Variants in AKR1D1 observed in about 807,000 individuals in gnomAD.
AKR1D1 encodes aldo-keto reductase family 1 member D1.
Under a neutral mutation model 42.6 loss-of-function variants are expected in AKR1D1, and 32 were observed. The ratio of observed to expected loss-of-function variants is 0.75; its 90% confidence interval spans 0.57 to 1.01. The LOEUF (loss-of-function observed/expected upper bound fraction) is 1.01, where lower values mean the gene tolerates loss of function less well. AKR1D1 is among the 50% of genes least tolerant of loss of function. The pLI, the probability that AKR1D1 is intolerant of heterozygous loss-of-function variation, is 0.00. For synonymous variants in AKR1D1, 123 were observed against 135.5 expected (o/e 0.91, Z 0.64); for missense variants, 364 against 402.2 (o/e 0.91, Z 0.81).
At chr7:138,102,202 T>C (rs1794332688) in intron 4 of AKR1D1, among the ~76,000 whole-genome samples, 1 of 151,880 alleles carries the variant, frequency 6.6e-6, no homozygotes, top group African/African-American at 2.4e-5. Flanking sequence ...CAGAGTGAGA[T>C]TCTGTCTCAA....
chr7:138,108,506 T>A (rs1471951277), intron 7 of AKR1D1, among the ~76,000 whole-genome samples: 1 of 152,200 alleles, frequency 6.6e-6, no homozygotes, highest in Non-Finnish European at 1.5e-5. Flanking sequence ...TTAATTTGTA[T>A]GAGATATGGA....
chr7:138,097,871 A>G lies in AKR1D1; in HGVS notation c.384A>G (p.Gly128=). Residue 128 remains glycine, a synonymous_variant, in exon 4 of 9, where the codon GGA becomes GGG. Transcript: ENST00000242375. ...TCTTTTTTTTTTTTTTTCAGCCAGGAGATGAAATATACCCTAGAGATGAGA... is the reference window on the plus strand; with the variant it reads ...TCTTTTTTTTTTTTTTTCAGCCAGGGGATGAAATATACCCTAGAGATGAGA... The part of the protein sequence containing the change: ...IIEVPMAFKP[G]DEIYPRDENG... 6.3e-7 allele frequency: 1 copy of G among 1,588,346 alleles called. No homozygotes were observed. Among genetic ancestry groups the G allele is most frequent in the Non-Finnish European group, 8.6e-7 (1 of 1,162,800 alleles).
chr7:138,077,072 G>T (rs1802953544), intron 1 of AKR1D1, among the ~76,000 whole-genome samples: 1 of 152,008 alleles, frequency 6.6e-6, no homozygotes, highest in Admixed American at 6.6e-5. Flanking sequence ...CAAATAGAGG[G>T]GGCAGATTCT....
chr7:138,108,662 G>T (rs1225471266), intron 7 of AKR1D1, among the ~76,000 whole-genome samples: 1 of 152,108 alleles, frequency 6.6e-6, no homozygotes. Context: ...TGAAGGGAGG[G>T]TGCTATGAGG....
At chr7:138,089,641 T>C (rs1170427726) in intron 2 of AKR1D1, among the ~76,000 whole-genome samples, 1 of 152,210 alleles carries the variant, frequency 6.6e-6, no homozygotes, top group African/African-American at 2.4e-5. Context: ...ATCCTTTAAA[T>C]TGTCCAAAAA....
chr7:138,084,796 G>A (rs10230507), intron 1 of AKR1D1, among the ~76,000 whole-genome samples: 33 of 151,838 alleles, frequency 2.2e-4, no homozygotes, highest in Middle Eastern at 3.4e-3. Context: ...AGTGGCTCAC[G>A]CCTGTAATCC....
At position 138,111,737 on chromosome 7, in the gene AKR1D1, C is replaced by T. The variant is rs148771400; in HGVS notation, c.856-1953C>T. Reference sequence around the variant, plus strand: ...TGAATTTGAAAGCTTATATTAAGATCGAAACCAAAGTTTATGAAAGTAAGT... The same window carrying T: ...TGAATTTGAAAGCTTATATTAAGATTGAAACCAAAGTTTATGAAAGTAAGT... On this transcript the variant is annotated intron_variant, in intron 7 of 8. Coordinates refer to ENST00000242375, the MANE Select transcript of AKR1D1 (RefSeq NM_005989.4). Among the ~76,000 whole-genome samples, 747 of 152,208 alleles carry T rather than the reference C, an allele frequency of 4.9e-3. 8 individuals are homozygous for T. The highest frequency in any genetic ancestry group is 0.017 in the African/African-American group (725 of 41,534).
intron 6 of AKR1D1, 49 bp downstream of exon 6, chr7:138,106,766 C>T (rs575639824): frequency 4.7e-5 from 64 of 1,370,280 alleles, no homozygotes; most frequent in Non-Finnish European, 6.7e-5. Context: ...GTGTGAGGCT[C>T]ATGTGAACTA....
Position 138,091,809 on chromosome 7 carries a change from C to A in AKR1D1, c.303C>A (p.Thr101=). 1.2e-6 allele frequency: 2 copies of A among 1,614,052 alleles called. No homozygotes were observed. The highest frequency in any genetic ancestry group is 1.7e-6 in the Non-Finnish European group (2 of 1,179,928). Residue 101 remains threonine, a synonymous_variant, in exon 3 of 9, where the codon ACC becomes ACA. Coordinates refer to ENST00000242375, the MANE Select transcript of AKR1D1 (RefSeq NM_005989.4). ...ATGTCCCAGAGATGGTCCGCCCAAC[C>A]CTGGAGAGGACACTCAGGGTCCTCC... ...TNHVPEMVRP[T]LERTLRVLQL... is the part of the protein sequence containing the mutation.
At chr7:138,090,715 T>C (rs1030988610) in intron 2 of AKR1D1, among the ~76,000 whole-genome samples, 18 of 152,000 alleles carry the variant, frequency 1.2e-4, no homozygotes, top group Non-Finnish European at 2.6e-4. Context: ...GCAAAACTGA[T>C]ATTCCAAAAG....
At position 138,097,853 on chromosome 7, in the gene AKR1D1, T is replaced by G. The variant is rs1187241187; in HGVS notation, c.379-13T>G. 1 of 1,575,056 alleles carries G rather than the reference T, an allele frequency of 6.3e-7. No individual in the cohort carries two copies. Among genetic ancestry groups the G allele is most frequent in the Non-Finnish European group, 8.7e-7 (1 of 1,153,268 alleles). ...AAAATGAATTACATTTATTCTTTTT[T>G]TTTTTTTTTCAGCCAGGAGATGAAA... On this transcript the variant is annotated splice_polypyrimidine_tract_variant and intron_variant, in intron 3 of 8. Coordinates refer to ENST00000242375, the MANE Select transcript of AKR1D1 (RefSeq NM_005989.4).
Position 138,083,967 on chromosome 7 carries a change from T to A in AKR1D1, c.94-4634T>A, listed in dbSNP as rs548431653. Reference sequence around the variant, plus strand: ...GCGAGCATCAAGGGTGAAAAACAAGTATTTTCTTTCAGACAACATTTGTGT... The same window carrying A: ...GCGAGCATCAAGGGTGAAAAACAAGAATTTTCTTTCAGACAACATTTGTGT... On this transcript the variant is annotated intron_variant, in intron 1 of 8. Coordinates refer to ENST00000242375, the MANE Select transcript of AKR1D1 (RefSeq NM_005989.4). 1.2e-4 allele frequency among the ~76,000 whole-genome samples: 19 copies of A among 152,272 alleles called. 2 individuals are homozygous for A. Among genetic ancestry groups the A allele is most frequent in the African/African-American group, 4.6e-4 (19 of 41,556 alleles).
intron 4 of AKR1D1, 24 bp downstream of exon 4, chr7:138,097,967 T>C: frequency 6.5e-7 from 1 of 1,539,134 alleles, no homozygotes; most frequent in Non-Finnish European, 9.0e-7. Context: ...TGCTTCTTAT[T>C]TTAAAAGACG....
intron 1 of AKR1D1, among the ~76,000 whole-genome samples, chr7:138,088,014 C>G (rs115922112): frequency 0.022 from 3,271 of 151,994 alleles, 123 homozygotes; most frequent in African/African-American, 0.074. Flanking sequence ...CCTTACCCTC[C>G]CAAGTAACTG....
At chr7:138,094,471 C>A (rs1177472338) in intron 3 of AKR1D1, among the ~76,000 whole-genome samples, 1 of 152,010 alleles carries the variant, frequency 6.6e-6, no homozygotes, top group African/African-American at 2.4e-5. Context: ...GCCAAGATTG[C>A]GCCACTGCAC....
At chr7:138,104,952 TCTCA>T (rs1457541586) in intron 4 of AKR1D1, among the ~76,000 whole-genome samples, 2 of 151,962 alleles carry the variant, frequency 1.3e-5, no homozygotes, top group African/African-American at 2.4e-5. Context: ...AGAGATGAAG[TCTCA>T]CTCTGTTGCC....
chr7:138,076,501 A>G lies in AKR1D1; in HGVS notation c.-18A>G, dbSNP rs1202751140. 6.2e-7 allele frequency: 1 copy of G among 1,605,696 alleles called. No homozygotes were observed. ...CCCTGTGGTGTTCAGAATCACTCCT[A>G]CAGTCAGGTTCTCCACAATGGATCT... On this transcript the variant is annotated 5_prime_UTR_variant, in exon 1 of 9. Transcript: ENST00000242375.
chr7:138,111,907 C>T (rs2117472254), intron 7 of AKR1D1, among the ~76,000 whole-genome samples: 1 of 152,102 alleles, frequency 6.6e-6, no homozygotes, highest in East Asian at 1.9e-4. Flanking sequence ...AAAAGTTTTG[C>T]AGAATGTTCA....
intron 4 of AKR1D1, among the ~76,000 whole-genome samples, chr7:138,104,952 T>C (rs1794390983): frequency 6.6e-6 from 1 of 151,962 alleles, no homozygotes; most frequent in African/African-American, 2.4e-5. Context: ...AGAGATGAAG[T>C]CTCACTCTGT....
Sources: allele counts gnomAD v4.1 joint callset (sites outside exome capture counted in the v4.1 genomes callset), GRCh38; gene constraint gnomAD v4.1.1; transcripts MANE v1.5; gene names NCBI Gene and HGNC (gene_info 2026-07-23, HGNC 2026-07-21).